The following HIBCH variants were observed in gnomAD, a reference collection of about 807,000 sequenced individuals.
The protein encoded by HIBCH is 3-hydroxyisobutyryl-CoA hydrolase, also known as 3-hydroxyisobutyryl-CoA hydrolase, mitochondrial.
HIBCH carries 50 observed loss-of-function variants against 58.2 expected under a neutral mutation model. That is an observed-to-expected ratio of 0.86 (90% confidence interval 0.68 to 1.09). HIBCH has a LOEUF of 1.09. HIBCH is among the 50% of genes least tolerant of loss of function. The pLI, the probability that HIBCH is intolerant of heterozygous loss-of-function variation, is 0.00. For missense variants in HIBCH, 450 were observed against 449.7 expected, an observed-to-expected ratio of 1.00 and a Z score of -0.01; for synonymous variants, 151 against 146.9, an observed-to-expected ratio of 1.03 and a Z score of -0.20.
chr2:190,292,715 G>C (rs1015214675), intron 4 of HIBCH, among the ~76,000 whole-genome samples: 2 of 151,938 alleles, frequency 1.3e-5, no homozygotes, highest in African/African-American at 4.8e-5. Flanking sequence ...GACTATCTTT[G>C]TTTATCATCT....
chr2:190,199,955 A>G (rs1043736724), downstream of HIBCH: 26 of 1,614,136 alleles, frequency 1.6e-5, no homozygotes, highest in African/African-American at 6.7e-5. Context: ...ATGCCAGAAG[A>G]GAGATGTCTA....
rs1331697995 is a variant in HIBCH, at chr2:190,216,109, AG to A, written c.892-3035del. The A allele has an allele frequency of 6.6e-6, 1 of 152,470 alleles. No homozygotes were observed. The highest frequency in any genetic ancestry group is 1.5e-5 in the Non-Finnish European group (1 of 68,234). 9.4% of individuals were successfully genotyped at this position (152,470 alleles called of 1,614,324 possible). A position where few individuals can be genotyped will look rare whatever the true frequency, so the allele number is the denominator to read the frequency against. ...AGACTGGGGAGAAAAATAATGTAAA[AG>A]GAAGAAAGAGTACAAGAGGAGGTGA... On this transcript the variant is annotated intron_variant, in intron 11 of 13. Coordinates refer to ENST00000359678, the MANE Select transcript of HIBCH (RefSeq NM_014362.4). The surrounding 1 kb of genome is among the most constrained non-coding windows in gnomAD (Gnocchi z 4.2).
At chr2:190,201,623 A>G (rs1690247001), downstream of HIBCH, 1 of 167,076 alleles carries the variant, frequency 6.0e-6, no homozygotes, top group African/African-American at 2.4e-5. Context: ...AATAGAGTGA[A>G]TTCTCCAAGT....
At chr2:190,308,582 T>C (rs1411685414) in intron 2 of HIBCH, among the ~76,000 whole-genome samples, 3 of 152,306 alleles carry the variant, frequency 2.0e-5, no homozygotes, top group Middle Eastern at 3.4e-3. Context: ...CTTAGCCCCC[T>C]TGCCACATGA....
At chr2:190,291,906 G>A (rs1249880600) in intron 4 of HIBCH, among the ~76,000 whole-genome samples, 1 of 152,168 alleles carries the variant, frequency 6.6e-6, no homozygotes, top group African/African-American at 2.4e-5. Flanking sequence ...TCATAGATAT[G>A]TTTCCTCTTT....
At chr2:190,196,190 C>G (rs1689968373) in intron 1 of HIBCH, among the ~76,000 whole-genome samples, 1 of 152,008 alleles carries the variant, frequency 6.6e-6, no homozygotes, top group Non-Finnish European at 1.5e-5. Context: ...TTAAACGTAT[C>G]TAATTCCTTT....
intron 6 of HIBCH, among the ~76,000 whole-genome samples, chr2:190,266,936 T>C (rs1457334377): frequency 6.6e-6 from 1 of 150,794 alleles, no homozygotes; most frequent in East Asian, 2.0e-4. Context: ...TTTGTTTTTT[T>C]AGTAGAGATG....
At chr2:190,264,935 C>G (rs1224534111) in intron 6 of HIBCH, among the ~76,000 whole-genome samples, 1 of 151,738 alleles carries the variant, frequency 6.6e-6, no homozygotes, top group Admixed American at 6.6e-5. Context: ...TCAGCCTAGC[C>G]AACACGGTGA....
At chr2:190,190,701 C>T (rs1689670029) in intron 1 of HIBCH, among the ~76,000 whole-genome samples, 1 of 152,190 alleles carries the variant, frequency 6.6e-6, no homozygotes, top group Non-Finnish European at 1.5e-5. Context: ...CTCACCAACA[C>T]TAAGCACTGG....
chr2:190,319,741 G>A lies in HIBCH; in HGVS notation c.10C>T (p.Arg4Cys), dbSNP rs557894738. 1.1e-4 allele frequency: 183 copies of A among 1,612,612 alleles called. 3 individuals carry two copies. The South Asian group carries it at 1.8e-3, about 16-fold the overall frequency. Residue 4 changes from arginine to cysteine, a missense_variant, in exon 1 of 14, where the codon CGC (arginine) becomes TGC (cysteine). Coordinates refer to ENST00000359678, the MANE Select transcript of HIBCH (RefSeq NM_014362.4). MGQ[R>C]EMWRLMSRFN... ...CTCGACATGAGCCTCCACATCTCGC[G>A]CTGCCCCATCGCCAAACACTCCGAA...
chr2:190,225,152 C>A (rs184952365), intron 11 of HIBCH, among the ~76,000 whole-genome samples: 1 of 152,054 alleles, frequency 6.6e-6, no homozygotes, highest in East Asian at 1.9e-4. Flanking sequence ...AACTAAATGC[C>A]CACAAGAGAA....
At chr2:190,257,669 T>A (rs1029949935) in intron 7 of HIBCH, among the ~76,000 whole-genome samples, 10 of 151,962 alleles carry the variant, frequency 6.6e-5, no homozygotes, top group African/African-American at 2.2e-4. Context: ...AGAAAAAAAA[T>A]TATTTCTCAC....
chr2:190,310,773 T>A lies in HIBCH; in HGVS notation c.59A>T (p.Asn20Ile). 1 of 1,610,252 alleles carries A rather than the reference T, an allele frequency of 6.2e-7. No homozygotes were observed. The highest frequency in any genetic ancestry group is 8.5e-7 in the Non-Finnish European group (1 of 1,176,496). ...MSRFNAFKRTNTILHHLRMSK... is the reference protein window; with the variant it reads ...MSRFNAFKRTITILHHLRMSK... The stretch of plus-strand genomic sequence containing the variant: ...ACTTACCAAATGGTGCAGTATGGTA[T>A]TAGTCCTTTTGAATGCATTAAACCT... The change falls in exon 2 of 14, where the codon AAT becomes ATT. Residue 20 changes from asparagine (N) to isoleucine (I), a missense_variant. Physicochemically the swap from Asn to Ile is moderately radical, Grantham distance 149. Transcript: ENST00000359678.
chr2:190,250,665 T>C (rs921938114), intron 8 of HIBCH, among the ~76,000 whole-genome samples: 1 of 152,240 alleles, frequency 6.6e-6, no homozygotes, highest in African/African-American at 2.4e-5. Context: ...CTACTCAATG[T>C]GACTGAGGAT....
At chr2:190,258,518 A>G (rs1338637655) in intron 7 of HIBCH, among the ~76,000 whole-genome samples, 1 of 152,226 alleles carries the variant, frequency 6.6e-6, no homozygotes, top group African/African-American at 2.4e-5. Flanking sequence ...GTGATTCTAG[A>G]AGCGTTTTAC....
At chr2:190,203,545 T>C (rs1690311663), downstream of HIBCH, 1 of 156,536 alleles carries the variant, frequency 6.4e-6, no homozygotes, top group Non-Finnish European at 1.5e-5. Flanking sequence ...CTTTGAATTT[T>C]TTAACAATAT....
chr2:190,262,062 TG>T (rs1224162330), intron 6 of HIBCH, among the ~76,000 whole-genome samples: 2 of 151,372 alleles, frequency 1.3e-5, no homozygotes, highest in Non-Finnish European at 2.9e-5. Flanking sequence ...AGTGCACAGT[TG>T]TCAGTCGATG....
At chr2:190,310,837 T>C (rs1171708356) in intron 1 of HIBCH, 41 bp from the exon 2 acceptor site, 1 of 1,387,828 alleles carries the variant, frequency 7.2e-7, no homozygotes, top group Non-Finnish European at 1.0e-6. Flanking sequence ...GTAATGTGGG[T>C]AGTCATGTCT....
rs114911461 is a variant in HIBCH, at chr2:190,293,221, G to T, written c.304+1325C>A. Among the ~76,000 whole-genome samples the T allele has an allele frequency of 3.3e-3, 503 of 152,300 alleles. 5 individuals are homozygous for T. The highest frequency in any genetic ancestry group is 5.5e-3 in the Non-Finnish European group (375 of 68,040). On this transcript the variant is annotated intron_variant, in intron 4 of 13. Coordinates refer to ENST00000359678, the MANE Select transcript of HIBCH (RefSeq NM_014362.4). Reference sequence around the variant, plus strand: ...ATATGCATGTTGTTGGGAGGCCGAGGCAGGCGGATCGCCTGAGATCAGGAG... The same window carrying T: ...ATATGCATGTTGTTGGGAGGCCGAGTCAGGCGGATCGCCTGAGATCAGGAG...
Sources: gnomAD v4.1 joint callset for allele counts (sites outside exome capture counted in the v4.1 genomes callset) on GRCh38, gnomAD v4.1.1 for gene constraint, Gnocchi (gnomAD v3.1) non-coding constraint, MANE v1.5 for transcripts, NCBI Gene and HGNC (gene_info 2026-07-23, HGNC 2026-07-21) for gene names.